KIDINS220: variants seen among roughly 807,000 people sequenced by gnomAD.
The protein encoded by KIDINS220 is kinase D-interacting substrate of 220 kDa.
In KIDINS220, 63 loss-of-function variants were observed where a neutral mutation model predicts 157.6. The observed-to-expected ratio is 0.40, with a 90% confidence interval of 0.33 to 0.49. KIDINS220 has a LOEUF of 0.49. Ranked by LOEUF, KIDINS220 falls within the 20% of genes least tolerant of loss-of-function variation. The pLI, the probability that KIDINS220 is intolerant of heterozygous loss-of-function variation, is 0.66. For missense variants in KIDINS220, 1,772 were observed against 2,171.2 expected (o/e 0.82, Z 3.65); for synonymous variants, 732 against 783.6 (o/e 0.93, Z 1.10).
intron 22 of KIDINS220, among the ~76,000 whole-genome samples, chr2:8,768,246 T>TTA (rs879353519): frequency 2.1e-5 from 3 of 141,608 alleles, no homozygotes; most frequent in Admixed American, 1.4e-4. Context: ...AAATGTATGT[T>TTA]AAAAAAAAAA....
chr2:8,743,444 GCTAAGGCT>G (rs1665908883), intron 26 of KIDINS220, among the ~76,000 whole-genome samples: 1 of 152,194 alleles, frequency 6.6e-6, no homozygotes, highest in African/African-American at 2.4e-5. Flanking sequence ...CTTAAAGTAT[GCTAAGGCT>G]GACTAATCCT....
intron 17 of KIDINS220, 55 bp downstream of exon 17, chr2:8,785,686 G>A: frequency 6.9e-7 from 1 of 1,439,108 alleles, no homozygotes; most frequent in Non-Finnish European, 9.5e-7. Flanking sequence ...AAATGAGCAT[G>A]GCAGTGGCAA....
rs777649464 is a variant in KIDINS220 at position 8,733,636 on chromosome 2, G to C, written c.3861C>G (p.Asp1287Glu). ...RNAESHVVPEDPRFLSESSSG... is the reference protein window; with the variant it reads ...RNAESHVVPEEPRFLSESSSG... ...TGCTGCTCTCACTGAGGAAACGTGGGTCTTCAGGGACCACGTGGCTTTCTG... is the reference window on the plus strand; with the variant it reads ...TGCTGCTCTCACTGAGGAAACGTGGCTCTTCAGGGACCACGTGGCTTTCTG... Residue 1287 changes from aspartate to glutamate, a missense_variant, in exon 29 of 30, where the codon GAC becomes GAG. Transcript: ENST00000256707. 5 of 1,604,316 alleles carry C rather than the reference G, an allele frequency of 3.1e-6. No individual in the cohort carries two copies. Among genetic ancestry groups the C allele is most frequent in the Non-Finnish European group, 3.4e-6 (4 of 1,172,888 alleles).
chr2:8,729,409 G>A lies in KIDINS220; in HGVS notation c.*1311C>T. 1 of 985,390 alleles carries A rather than the reference G, an allele frequency of 1.0e-6. No homozygotes were observed. The allele number at this position is 985,390 out of a possible 1,614,324, so 61.0% of individuals were successfully genotyped here. ...CCATCTACCGTCCTAACTGTGACTT[G>A]GGGTAAACCACCAGAATTCATTCTA... On this transcript the variant is annotated 3_prime_UTR_variant, in exon 30 of 30. Coordinates refer to ENST00000256707, the MANE Select transcript of KIDINS220 (RefSeq NM_020738.4).
In KIDINS220 at chr2:8,730,871, G is replaced by A; in HGVS notation, c.5165C>T (p.Thr1722Ile). The stretch of plus-strand genomic sequence containing the variant: ...TTTTAGATTCTCATTCTGAATAGTG[G>A]TTGGGTTGGGACTGGAACTAGGCCT... Reference protein sequence around the residue: ...ILRPSSSPNPTTIQNENLKSM... With the variant: ...ILRPSSSPNPITIQNENLKSM... The change falls in exon 30 of 30, where the codon ACC becomes ATC. Residue 1722 changes from threonine (T) to isoleucine (I), a missense_variant. Physicochemically the swap from Thr to Ile is moderately conservative, Grantham distance 89. Transcript: ENST00000256707. The A allele has an allele frequency of 6.2e-7, 1 of 1,614,222 alleles. No individual in the cohort carries two copies. Among genetic ancestry groups the A allele is most frequent in the Middle Eastern group, 1.6e-4 (1 of 6,062 alleles).
chr2:8,722,267 C>T (rs953125962), downstream of KIDINS220: 1 of 152,118 alleles, frequency 6.6e-6, no homozygotes, highest in East Asian at 1.9e-4. Context: ...ATCTTAGAAC[C>T]GAAGAAATTC....
At chr2:8,754,285 G>T (rs554173371) in intron 22 of KIDINS220, among the ~76,000 whole-genome samples, 1 of 152,314 alleles carries the variant, frequency 6.6e-6, no homozygotes, top group Admixed American at 6.5e-5. Context: ...CCAGATTGAA[G>T]TCTCTATTCT....
At chr2:8,819,505 T>C (rs1293709978) in intron 2 of KIDINS220, among the ~76,000 whole-genome samples, 1 of 152,074 alleles carries the variant, frequency 6.6e-6, no homozygotes, top group Non-Finnish European at 1.5e-5. Flanking sequence ...TTTCTGTAAG[T>C]GCCATGACAG....
At chr2:8,732,748 C>T (rs528349132) in intron 29 of KIDINS220, among the ~76,000 whole-genome samples, 33 of 152,234 alleles carry the variant, frequency 2.2e-4, no homozygotes, top group Admixed American at 2.6e-4. Flanking sequence ...TTCCCCAAGG[C>T]GCTGCTCCTC....
At chr2:8,824,989 G>C (rs1188370986) in intron 2 of KIDINS220, among the ~76,000 whole-genome samples, 1 of 152,086 alleles carries the variant, frequency 6.6e-6, no homozygotes, top group Non-Finnish European at 1.5e-5. Flanking sequence ...CATACAAATA[G>C]AAAGTAAAAC....
At chr2:8,764,077 A>G (rs1187519200) in intron 22 of KIDINS220, among the ~76,000 whole-genome samples, 1 of 152,228 alleles carries the variant, frequency 6.6e-6, no homozygotes, top group Non-Finnish European at 1.5e-5. Context: ...AAGGAACAAA[A>G]TAACATATTT....
At chr2:8,831,917 T>A (rs948719831) in intron 1 of KIDINS220, among the ~76,000 whole-genome samples, 1 of 152,166 alleles carries the variant, frequency 6.6e-6, no homozygotes, top group Non-Finnish European at 1.5e-5. Flanking sequence ...AACATGAACA[T>A]CACCCAAACC....
rs565908928 is a variant in KIDINS220, at chr2:8,756,280, C to CTTCA, written c.3012-4637_3012-4636insTGAA. Among the ~76,000 whole-genome samples the CTTCA allele has an allele frequency of 2.2e-3, 342 of 152,308 alleles. 1 individual carries two copies. Among genetic ancestry groups the CTTCA allele is most frequent in the Non-Finnish European group, 3.9e-3 (263 of 68,028 alleles). The stretch of plus-strand genomic sequence containing the variant: ...TCTTAATTTCCTTTCAGACTGTTCA[C>CTTCA]TGAAGGTGTACAGAAACACAACTGA... On this transcript the variant is annotated intron_variant, in intron 22 of 29. Coordinates refer to ENST00000256707, the MANE Select transcript of KIDINS220 (RefSeq NM_020738.4).
chr2:8,805,597 T>C (rs1269672778), intron 7 of KIDINS220, among the ~76,000 whole-genome samples: 1 of 152,160 alleles, frequency 6.6e-6, no homozygotes, highest in African/African-American at 2.4e-5. Flanking sequence ...GATACTCTTA[T>C]TGCTGTAGTC....
At chr2:8,727,147 A>G, downstream of KIDINS220, 1 of 1,145,898 alleles carries the variant, frequency 8.7e-7, no homozygotes, top group South Asian at 1.8e-5. Context: ...AGGGAGTACC[A>G]CAGCCTGGAA....
At chr2:8,754,443 C>T (rs1344542106) in intron 22 of KIDINS220, among the ~76,000 whole-genome samples, 1 of 152,176 alleles carries the variant, frequency 6.6e-6, no homozygotes, top group Non-Finnish European at 1.5e-5. Context: ...ATTTAAGTAA[C>T]TTCACTTTTC....
chr2:8,748,583 T>C (rs1417851562), intron 24 of KIDINS220, among the ~76,000 whole-genome samples: 1 of 152,190 alleles, frequency 6.6e-6, no homozygotes, highest in Non-Finnish European at 1.5e-5. Flanking sequence ...GTGAGATTTA[T>C]AACAATGGCA....
At chr2:8,757,482 T>C (rs1350864085) in intron 22 of KIDINS220, 6 of 1,388,376 alleles carry the variant, frequency 4.3e-6, no homozygotes, top group Non-Finnish European at 5.6e-6. Flanking sequence ...GAGGCCGTCT[T>C]CATTTCAGAG....
intron 26 of KIDINS220, 144 bp from the exon 27 acceptor site, chr2:8,737,143 C>T (rs1047163489): frequency 1.3e-6 from 1 of 767,332 alleles, no homozygotes; most frequent in Non-Finnish European, 2.0e-6. Context: ...TAAGGAAATA[C>T]CATTAGGGAA....
Sources: gnomAD v4.1 joint callset for allele counts (sites outside exome capture counted in the v4.1 genomes callset) on GRCh38, gnomAD v4.1.1 for gene constraint, MANE v1.5 for transcripts, NCBI Gene and HGNC (gene_info 2026-07-23, HGNC 2026-07-21) for gene names.